Variants in DGLUCY observed in about 807,000 individuals in gnomAD.
DGLUCY encodes the protein D-glutamate cyclase, mitochondrial.
A neutral mutation model predicts 58.5 loss-of-function variants in DGLUCY; 58 were observed. That is an observed-to-expected ratio of 0.99 (90% CI 0.80 to 1.23). The LOEUF is 1.23. DGLUCY is among the 50% of genes most tolerant of loss of function. The pLI, the probability that DGLUCY is intolerant of heterozygous loss-of-function variation, is 0.00. For missense variants in DGLUCY, 779 were observed against 784.7 expected (o/e 0.99, Z 0.09); for synonymous variants, 325 against 314.1 (o/e 1.03, Z -0.37).
intron 1 of DGLUCY, among the ~76,000 whole-genome samples, chr14:91,141,542 C>A (rs2046672658): frequency 6.8e-6 from 1 of 146,684 alleles, no homozygotes; most frequent in African/African-American, 2.5e-5. Context: ...AATGGATACT[C>A]AGAGAGGTTA....
intron 12 of DGLUCY, among the ~76,000 whole-genome samples, chr14:91,214,195 C>T (rs1271118090): frequency 3.9e-5 from 6 of 152,132 alleles, no homozygotes; most frequent in Non-Finnish European, 5.9e-5. Context: ...CATAATTCTG[C>T]GTGAACATCT....
intron 4 of DGLUCY, among the ~76,000 whole-genome samples, chr14:91,169,080 CTG>C (rs2048430858): frequency 6.6e-6 from 1 of 151,314 alleles, no homozygotes; most frequent in South Asian, 2.1e-4. Context: ...GAGCAAGACT[CTG>C]TCTCAAAAAA....
At chr14:91,136,830 G>A (rs747488560) in intron 1 of DGLUCY, among the ~76,000 whole-genome samples, 9 of 151,692 alleles carry the variant, frequency 5.9e-5, no homozygotes, top group Non-Finnish European at 7.4e-5. Flanking sequence ...TTAGTCAGGC[G>A]TGGTGGTACA....
At chr14:91,118,366 G>A (rs8008872) in intron 1 of DGLUCY, among the ~76,000 whole-genome samples, 132,161 of 152,026 alleles carry the variant, frequency 0.87, 57,684 homozygotes, top group East Asian at 1. Context: ...AAGTGCTGGG[G>A]TTACAGGTGA....
At chr14:91,184,587 G>T (rs1171755582) in intron 8 of DGLUCY, among the ~76,000 whole-genome samples, 2 of 113,492 alleles carry the variant, frequency 1.8e-5, no homozygotes, top group Non-Finnish European at 3.6e-5. Context: ...TGGGGGGGGG[G>T]AGGGAGGGAG....
chr14:91,199,612 A>T (rs575419085), intron 10 of DGLUCY, 145 bp from the exon 11 acceptor site: 1 of 895,486 alleles, frequency 1.1e-6, no homozygotes, highest in East Asian at 2.5e-5. Context: ...CCTGGCCCAG[A>T]GTAGATGTGC....
intron 1 of DGLUCY, among the ~76,000 whole-genome samples, chr14:91,134,936 T>G (rs1020369551): frequency 6.6e-6 from 1 of 152,072 alleles, no homozygotes; most frequent in African/African-American, 2.4e-5. Context: ...TTTTTCTTTT[T>G]CTTTTTGTGA....
At chr14:91,085,414 C>T (rs1222746044) in intron 1 of DGLUCY, among the ~76,000 whole-genome samples, 1 of 152,004 alleles carries the variant, frequency 6.6e-6, no homozygotes, top group African/African-American at 2.4e-5. Flanking sequence ...CCCCCCACAT[C>T]TTTTTCCCCT....
chr14:91,134,923 AT>A (rs892312648), intron 1 of DGLUCY, among the ~76,000 whole-genome samples: 1 of 151,088 alleles, frequency 6.6e-6, no homozygotes, highest in Admixed American at 6.6e-5. Flanking sequence ...GCCTTTACAC[AT>A]TTTTTTCTTT....
intron 1 of DGLUCY, among the ~76,000 whole-genome samples, chr14:91,083,259 C>T (rs28405720): frequency 0.011 from 1,630 of 152,256 alleles, 11 homozygotes; most frequent in South Asian, 0.033. Context: ...CAGTGGCTCA[C>T]GTCTGTAATC....
intron 10 of DGLUCY, among the ~76,000 whole-genome samples, chr14:91,197,182 G>A (rs2050271629): frequency 6.6e-6 from 1 of 152,158 alleles, no homozygotes; most frequent in African/African-American, 2.4e-5. Context: ...GGCCAGGCTG[G>A]TCTGAAACTC....
chr14:91,158,362 G>GTGTCCCCACAGCACTT (rs1250690216), intron 2 of DGLUCY, among the ~76,000 whole-genome samples: 1 of 152,194 alleles, frequency 6.6e-6, no homozygotes, highest in Non-Finnish European at 1.5e-5. Context: ...TCTCTCCCCT[G>GTGTCCCCACAGCACTT]TGTCCCCACA....
intron 8 of DGLUCY, among the ~76,000 whole-genome samples, chr14:91,187,064 A>T (rs1305369273): frequency 1.3e-5 from 2 of 151,612 alleles, no homozygotes; most frequent in Non-Finnish European, 2.9e-5. Flanking sequence ...CAGTGGTGCG[A>T]TCTCGGCTCA....
chr14:91,162,326 G>T (rs1305674348), intron 3 of DGLUCY, among the ~76,000 whole-genome samples: 1 of 152,164 alleles, frequency 6.6e-6, no homozygotes, highest in Non-Finnish European at 1.5e-5. Context: ...GAGGTAAAAG[G>T]ACTCAGAGAA....
Position 91,220,299 on chromosome 14 carries a change from G to C in DGLUCY, c.1717-4385G>C, listed in dbSNP as rs145303737. 2.8e-5 allele frequency: 10 copies of C among 360,504 alleles called. No individual in the cohort carries two copies. In the East Asian group the frequency reaches 6.6e-4, roughly 24 times the overall value. The allele number at this position is 360,504 out of a possible 1,614,324, so 22.3% of individuals were successfully genotyped here. On this transcript the variant is annotated intron_variant, in intron 13 of 13. Coordinates refer to ENST00000256324, the MANE Select transcript of DGLUCY (RefSeq NM_001102368.3). Reference sequence around the variant, plus strand: ...AACAGATCTACTTTTTGGGTGATTGGAAGATGGAATGAGTCCCTTTGTGTA... The same window carrying C: ...AACAGATCTACTTTTTGGGTGATTGCAAGATGGAATGAGTCCCTTTGTGTA...
At chr14:91,190,979 G>A (rs529932348) in intron 9 of DGLUCY, among the ~76,000 whole-genome samples, 88 of 152,206 alleles carry the variant, frequency 5.8e-4, no homozygotes, top group African/African-American at 1.9e-3. Flanking sequence ...CCCTTCAGCC[G>A]CACTTCTGAT....
At chr14:91,117,170 C>A (rs2045017308) in intron 1 of DGLUCY, among the ~76,000 whole-genome samples, 1 of 152,082 alleles carries the variant, frequency 6.6e-6, no homozygotes. Context: ...TGTCATGGTG[C>A]TGGTGGGAGT....
At chr14:91,114,974 C>G (rs886176048) in intron 1 of DGLUCY, 1 of 152,374 alleles carries the variant, frequency 6.6e-6, no homozygotes, top group African/African-American at 2.4e-5. Context: ...TGTACCCACC[C>G]AAGGCTAAAG....
At chr14:91,178,782 G>A (rs1183690219) in intron 7 of DGLUCY, among the ~76,000 whole-genome samples, 1 of 152,164 alleles carries the variant, frequency 6.6e-6, no homozygotes, top group Non-Finnish European at 1.5e-5. Flanking sequence ...TGTAATCCCA[G>A]CACTTTGGGA....
Sources: allele counts gnomAD v4.1 joint callset (sites outside exome capture counted in the v4.1 genomes callset), GRCh38; gene constraint gnomAD v4.1.1; transcripts MANE v1.5; gene names NCBI Gene and HGNC (gene_info 2026-07-23, HGNC 2026-07-21).